LEPR: variants seen among roughly 807,000 people sequenced by gnomAD.
LEPR encodes the protein OB receptor.
Under a neutral mutation model 114.7 loss-of-function variants are expected in LEPR, and 56 were observed. The ratio of observed to expected loss-of-function variants is 0.49; its 90% CI spans 0.39 to 0.61. LEPR has a LOEUF of 0.61. Among genes scored for constraint, LEPR ranks in the 20% least tolerant of loss-of-function variants. The pLI is 0.00. For missense variants in LEPR, 1,202 were observed against 1,352.9 expected, an observed-to-expected ratio of 0.89 and a Z score of 1.75; for synonymous variants, 443 against 461.4, an observed-to-expected ratio of 0.96 and a Z score of 0.51.
At chr1:65,516,981 G>A (rs754106004) in intron 2 of LEPR, among the ~76,000 whole-genome samples, 9 of 152,098 alleles carry the variant, frequency 5.9e-5, no homozygotes, top group Non-Finnish European at 1.2e-4. Context: ...AAGCTTCATG[G>A]TTCTCTTTAC....
At chr1:65,535,699 T>C (rs1650722253) in intron 2 of LEPR, among the ~76,000 whole-genome samples, 1 of 152,138 alleles carries the variant, frequency 6.6e-6, no homozygotes, top group Non-Finnish European at 1.5e-5. Context: ...AGAAACAATC[T>C]ATAAAAACAG....
rs925477422 is a variant in LEPR at position 65,636,582 on chromosome 1, A to G, written c.3065A>G (p.Asp1022Gly). ...TCTAGCAAAAATTCTCCGTTGAAGG[A>G]TTCTTTCTCTAATAGCTCATGGGAG... ...CFSSKNSPLK[D>G]SFSNSSWEIE... Residue 1022 changes from aspartate (D) to glycine (G), a missense_variant, in exon 20 of 20, where the codon GAT (aspartate) becomes GGT (glycine). Transcript: ENST00000349533. The G allele has an allele frequency of 1.9e-6, 3 of 1,614,000 alleles. No individual in the cohort carries two copies. The highest frequency in any genetic ancestry group is 2.5e-6 in the Non-Finnish European group (3 of 1,180,010).
intron 5 of LEPR, among the ~76,000 whole-genome samples, chr1:65,575,261 T>TGAAATGAACAAAAA (rs1654503092): frequency 3.6e-4 from 55 of 151,722 alleles, no homozygotes; most frequent in African/African-American, 1.2e-3. Flanking sequence ...TTTGCAGAGT[T>TGAAATGAACAAAAA]CCAGCCCCAG....
intron 2 of LEPR, among the ~76,000 whole-genome samples, chr1:65,547,144 C>T (rs1044999440): frequency 1.3e-5 from 2 of 151,426 alleles, no homozygotes; most frequent in African/African-American, 4.8e-5. Flanking sequence ...GCCTTGCATC[C>T]CAGGGATGAA....
intron 2 of LEPR, among the ~76,000 whole-genome samples, chr1:65,479,418 T>C (rs1198183558): frequency 1.3e-5 from 2 of 151,990 alleles, no homozygotes; most frequent in Non-Finnish European, 2.9e-5. Context: ...TTTGTACAGG[T>C]GAGGAAACCG....
chr1:65,428,624 T>G (rs1646425349), intron 2 of LEPR, among the ~76,000 whole-genome samples: 1 of 152,198 alleles, frequency 6.6e-6, no homozygotes, highest in Non-Finnish European at 1.5e-5. Context: ...TTAGTGTGGC[T>G]TCATCCCAAC....
At position 65,601,419 on chromosome 1, in the gene LEPR, T is replaced by C; in HGVS notation, c.1022T>C (p.Leu341Pro). 3.1e-6 allele frequency: 5 copies of C among 1,613,342 alleles called. No individual in the cohort carries two copies. The highest frequency in any genetic ancestry group is 4.2e-6 in the Non-Finnish European group (5 of 1,179,612). The change falls in exon 9 of 20, where the codon CTG becomes CCG. Residue 341 changes from leucine to proline, a missense_variant. Transcript: ENST00000349533. ...QDVIYFPPKI[L>P]TSVGSNVSFH... is the part of the protein sequence containing the mutation. ...GTCATATACTTTCCACCTAAAATTC[T>C]GACAAGTGTTGGGTCTAATGTTTCT...
At chr1:65,507,207 C>T (rs773120081) in intron 2 of LEPR, among the ~76,000 whole-genome samples, 4 of 151,830 alleles carry the variant, frequency 2.6e-5, no homozygotes, top group Admixed American at 1.3e-4. Context: ...CCCGCCACCA[C>T]GCCTGGTTAA....
chr1:65,527,714 A>T (rs1382144337), intron 2 of LEPR, among the ~76,000 whole-genome samples: 1 of 152,212 alleles, frequency 6.6e-6, no homozygotes, highest in Non-Finnish European at 1.5e-5. Flanking sequence ...AGTACATTTT[A>T]ACTTATTTTC....
chr1:65,609,915 T>A (rs1657059907), intron 12 of LEPR, 32 bp from the exon 13 acceptor site: 1 of 1,614,100 alleles, frequency 6.2e-7, no homozygotes, highest in Non-Finnish European at 8.5e-7. Context: ...GTGTTGGTAA[T>A]GATCAATCTA....
At chr1:65,438,227 G>T (rs1232553297) in intron 2 of LEPR, among the ~76,000 whole-genome samples, 2 of 149,216 alleles carry the variant, frequency 1.3e-5, no homozygotes, top group Non-Finnish European at 3.0e-5. Flanking sequence ...AGTTGTGCTA[G>T]CTGGAACACT....
At chr1:65,552,921 A>G (rs190820251) in intron 2 of LEPR, among the ~76,000 whole-genome samples, 2 of 152,270 alleles carry the variant, frequency 1.3e-5, no homozygotes, top group Admixed American at 1.3e-4. Context: ...GTGGTGACAG[A>G]ATCTCTCAGC....
chr1:65,536,631 C>G (rs1224076587), intron 2 of LEPR, among the ~76,000 whole-genome samples: 1 of 151,920 alleles, frequency 6.6e-6, no homozygotes, highest in South Asian at 2.1e-4. Context: ...ATGCCATTCT[C>G]ATAAGGAAAG....
In LEPR at chr1:65,504,491, T is replaced by C. The variant is rs1185403256; in HGVS notation, c.-20-61055T>C. Among the ~76,000 whole-genome samples, 3 of 152,226 alleles carry C rather than the reference T, an allele frequency of 2.0e-5. No individual in the cohort carries two copies. The East Asian group carries it at 5.8e-4, about 29-fold the overall frequency. The stretch of plus-strand genomic sequence containing the variant: ...GAAATGACACTTAACTTCTGTGGTC[T>C]TCCTCTGCATGTAACAAACATCACA... On this transcript the variant is annotated intron_variant, in intron 2 of 19. Transcript: ENST00000349533.
At chr1:65,467,189 G>A (rs894387650) in intron 2 of LEPR, among the ~76,000 whole-genome samples, 2 of 152,116 alleles carry the variant, frequency 1.3e-5, no homozygotes, top group African/African-American at 2.4e-5. Flanking sequence ...GGTCTTTGAT[G>A]TTATTGACCT....
chr1:65,548,840 G>A (rs374287423), intron 2 of LEPR, among the ~76,000 whole-genome samples: 8 of 152,236 alleles, frequency 5.3e-5, no homozygotes, highest in South Asian at 4.1e-4. Flanking sequence ...TGTGAATTTG[G>A]TCCTGTCATT....
chr1:65,491,223 T>G (rs1340938091), intron 2 of LEPR, among the ~76,000 whole-genome samples: 4 of 152,146 alleles, frequency 2.6e-5, no homozygotes, highest in Non-Finnish European at 4.4e-5. Context: ...CTTCTGCTAG[T>G]TCAGATGGGA....
intron 11 of LEPR, among the ~76,000 whole-genome samples, chr1:65,608,349 G>A (rs527922767): frequency 6.6e-6 from 1 of 151,786 alleles, no homozygotes; most frequent in Admixed American, 6.6e-5. Context: ...TCCTGCCTCA[G>A]CCTCCTGAGT....
chr1:65,468,207 A>G (rs1294276999), intron 2 of LEPR, among the ~76,000 whole-genome samples: 2 of 152,326 alleles, frequency 1.3e-5, no homozygotes, highest in East Asian at 1.9e-4. Flanking sequence ...TACAGCCAAG[A>G]GGAGACTAAG....
Sources: gnomAD v4.1 joint callset for allele counts (sites outside exome capture counted in the v4.1 genomes callset) on GRCh38, gnomAD v4.1.1 for gene constraint, MANE v1.5 for transcripts, NCBI Gene and HGNC (gene_info 2026-07-23, HGNC 2026-07-21) for gene names.